Variants in NALF1 observed in about 807,000 individuals in gnomAD.
The protein encoded by NALF1 is family with sequence similarity 155 member A.
Under a neutral mutation model 48.4 loss-of-function variants are expected in NALF1, and 3 were observed. The ratio of observed to expected loss-of-function variants is 0.06; its 90% CI spans 0.03 to 0.16. The LOEUF is 0.16. NALF1 is among the 10% of genes least tolerant of loss of function. The probability of loss-of-function intolerance (pLI) is 1.00; values close to 1 mark genes in which losing one functional copy is unlikely to be tolerated. For synonymous variants in NALF1, 262 were observed against 245.7 expected, an observed-to-expected ratio of 1.07 and a Z score of -0.62; for missense variants, 526 against 571.5, an observed-to-expected ratio of 0.92 and a Z score of 0.81.
chr13:107,702,854 T>G (rs111710999), intron 1 of NALF1, among the ~76,000 whole-genome samples: 3,737 of 152,246 alleles, frequency 0.025, 155 homozygotes, highest in African/African-American at 0.084. Context: ...GCTCCATCCA[T>G]GTCCCTGCAA....
intron 1 of NALF1, among the ~76,000 whole-genome samples, chr13:107,535,886 C>T (rs575017213): frequency 1.1e-4 from 16 of 152,126 alleles, no homozygotes; most frequent in East Asian, 5.8e-4. Flanking sequence ...GAGATATAGA[C>T]CAATGGAACA....
chr13:107,726,882 G>A (rs1324937088), intron 1 of NALF1, among the ~76,000 whole-genome samples: 3 of 150,526 alleles, frequency 2.0e-5, no homozygotes, highest in Non-Finnish European at 4.4e-5. Flanking sequence ...GGGATTACAG[G>A]CATGAGACAC....
intron 1 of NALF1, among the ~76,000 whole-genome samples, chr13:107,268,650 G>A (rs1308535521): frequency 6.6e-6 from 1 of 152,122 alleles, no homozygotes; most frequent in East Asian, 1.9e-4. Flanking sequence ...ATTAAAGTGG[G>A]ACTAATAATT....
intron 1 of NALF1, among the ~76,000 whole-genome samples, chr13:107,302,008 C>T (rs1881846430): frequency 6.6e-6 from 1 of 152,118 alleles, no homozygotes; most frequent in Non-Finnish European, 1.5e-5. Flanking sequence ...GAGGAGAAGC[C>T]TTTAAGAGGT....
intron 1 of NALF1, among the ~76,000 whole-genome samples, chr13:107,683,932 G>T (rs1003511802): frequency 1.3e-5 from 2 of 152,202 alleles, no homozygotes; most frequent in East Asian, 3.9e-4. Flanking sequence ...TCTCCTGCAG[G>T]AAAAGTACTC....
chr13:107,378,286 C>A (rs1883373860), intron 1 of NALF1, among the ~76,000 whole-genome samples: 1 of 152,036 alleles, frequency 6.6e-6, no homozygotes, highest in South Asian at 2.1e-4. Flanking sequence ...CAAGAAATAT[C>A]ACTAATGCCA....
chr13:107,205,636 G>T (rs1259052720), intron 2 of NALF1, among the ~76,000 whole-genome samples: 1 of 152,076 alleles, frequency 6.6e-6, no homozygotes, highest in South Asian at 2.1e-4. Flanking sequence ...AAAAAAAATG[G>T]AATGCAGAAT....
At chr13:107,845,627 T>C (rs1416806577) in intron 1 of NALF1, among the ~76,000 whole-genome samples, 1 of 152,170 alleles carries the variant, frequency 6.6e-6, no homozygotes, top group East Asian at 1.9e-4. Context: ...ACCATAGTCA[T>C]ATAGAGATAA....
intron 1 of NALF1, among the ~76,000 whole-genome samples, chr13:107,763,471 CAAAAAAA>C (rs750250035): frequency 1.3e-5 from 1 of 79,156 alleles, no homozygotes; most frequent in Non-Finnish European, 3.0e-5. Context: ...TATTAAAATT[CAAAAAAA>C]AAAAAAAAAA....
chr13:107,842,649 T>C (rs376927536), intron 1 of NALF1, among the ~76,000 whole-genome samples: 1 of 151,254 alleles, frequency 6.6e-6, no homozygotes, highest in Non-Finnish European at 1.5e-5. Context: ...TACAAAAGAA[T>C]GGCCTTTATG....
At chr13:107,578,980 TCTCAATTACTGTCACTCTG>T (rs983793772) in intron 1 of NALF1, among the ~76,000 whole-genome samples, 1 of 152,322 alleles carries the variant, frequency 6.6e-6, no homozygotes, top group Admixed American at 6.5e-5. Flanking sequence ...CCATATTCCT[TCTCAATTACTGTCACTCTG>T]CTCCAAGCCA....
intron 1 of NALF1, among the ~76,000 whole-genome samples, chr13:107,595,528 T>C (rs1288352167): frequency 6.6e-6 from 1 of 152,214 alleles, no homozygotes; most frequent in East Asian, 1.9e-4. Flanking sequence ...CTTCATTTCA[T>C]AACAAGCCAA....
chr13:107,853,804 T>C (rs1386553047), intron 1 of NALF1, among the ~76,000 whole-genome samples: 2 of 152,210 alleles, frequency 1.3e-5, no homozygotes, highest in African/African-American at 2.4e-5. Flanking sequence ...GGTACTCTTT[T>C]AAAAAAGACT....
chr13:107,424,695 G>C (rs1884249227), intron 1 of NALF1, among the ~76,000 whole-genome samples: 1 of 152,098 alleles, frequency 6.6e-6, no homozygotes, highest in Non-Finnish European at 1.5e-5. Context: ...GAGAATACTG[G>C]CTAACTTCAA....
At chr13:107,611,160 A>G (rs993365237) in intron 1 of NALF1, among the ~76,000 whole-genome samples, 3 of 152,234 alleles carry the variant, frequency 2.0e-5, no homozygotes, top group Admixed American at 2.0e-4. Flanking sequence ...AGTCCTTTAA[A>G]AAAAATGTCA....
At chr13:107,545,698 A>G (rs1354235375) in intron 1 of NALF1, among the ~76,000 whole-genome samples, 1 of 152,206 alleles carries the variant, frequency 6.6e-6, no homozygotes, top group South Asian at 2.1e-4. Flanking sequence ...CCCAATGGGA[A>G]GAGGTGGCTG....
At chr13:107,741,029 C>T (rs1876618529) in intron 1 of NALF1, among the ~76,000 whole-genome samples, 1 of 152,148 alleles carries the variant, frequency 6.6e-6, no homozygotes, top group Non-Finnish European at 1.5e-5. Flanking sequence ...CACTGTGGTC[C>T]TACTACATAC....
chr13:107,468,014 C>A (rs1164312763), intron 1 of NALF1, among the ~76,000 whole-genome samples: 6 of 149,836 alleles, frequency 4.0e-5, no homozygotes, highest in Non-Finnish European at 8.9e-5. Context: ...CGCCACTGCC[C>A]TCCAGCCTGG....
intron 2 of NALF1, among the ~76,000 whole-genome samples, chr13:107,197,434 T>C (rs1339168293): frequency 6.6e-6 from 1 of 152,176 alleles, no homozygotes; most frequent in Non-Finnish European, 1.5e-5. Context: ...CCTGTGGGCT[T>C]TCCTGTGAAC....
Sources: gnomAD v4.1 joint callset for allele counts (sites outside exome capture counted in the v4.1 genomes callset) on GRCh38, gnomAD v4.1.1 for gene constraint, MANE v1.5 for transcripts, NCBI Gene and HGNC (gene_info 2026-07-23, HGNC 2026-07-21) for gene names.